KCNH8: variants seen among roughly 807,000 people sequenced by gnomAD.
KCNH8 encodes voltage-gated delayed rectifier potassium channel KCNH8.
Under a neutral mutation model 103.6 loss-of-function variants are expected in KCNH8, and 70 were observed. That is an observed-to-expected ratio of 0.68 (90% CI 0.56 to 0.82). The LOEUF (loss-of-function observed/expected upper bound fraction) is 0.82, where lower values mean the gene tolerates loss of function less well. Among genes scored for constraint, KCNH8 ranks in the 40% least tolerant of loss-of-function variants. The pLI, the probability that KCNH8 is intolerant of heterozygous loss-of-function variation, is 0.00. For synonymous variants in KCNH8, 498 were observed against 489.4 expected, an observed-to-expected ratio of 1.02 and a Z score of -0.23; for missense variants, 1,217 against 1,329.9, an observed-to-expected ratio of 0.92 and a Z score of 1.32.
At chr3:19,403,373 T>TAC (rs1249320644) in intron 7 of KCNH8, among the ~76,000 whole-genome samples, 1 of 26,484 alleles carries the variant, frequency 3.8e-5, no homozygotes, top group Admixed American at 3.6e-4. Context: ...TATATATATA[T>TAC]ATATATATAT....
At chr3:19,467,980 G>A (rs1035079709) in intron 11 of KCNH8, among the ~76,000 whole-genome samples, 1 of 151,914 alleles carries the variant, frequency 6.6e-6, no homozygotes, top group Non-Finnish European at 1.5e-5. Context: ...CACCTCTGCT[G>A]CCTCAGGGCC....
chr3:19,204,937 T>C (rs2063699197), intron 1 of KCNH8, among the ~76,000 whole-genome samples: 1 of 152,060 alleles, frequency 6.6e-6, no homozygotes. Context: ...GACAAATACA[T>C]GGACAAGGAT....
Position 19,533,439 on chromosome 3 carries a change from G to A in KCNH8, c.2664G>A (p.Met888Ile), listed in dbSNP as rs774465243. The change falls in exon 16 of 16, where the codon ATG becomes ATA. Residue 888 changes from methionine (M) to isoleucine (I), a missense_variant. Physicochemically the swap from Met to Ile is conservative, Grantham distance 10. Around this residue, in one of 3 missense-constraint regions of KCNH8, gnomAD observed 558 missense variants for 495.8 expected, o/e 1.13. Coordinates refer to ENST00000328405, the MANE Select transcript of KCNH8 (RefSeq NM_144633.3). ...AAGTTTCTCAGTTGGGTAAAGACAT[G>A]AGAAATGTGATCCAGCTTCTGGAAA... ...TQEVSQLGKD[M>I]RNVIQLLENV... The A allele has an allele frequency of 1.9e-5, 30 of 1,614,026 alleles. No individual in the cohort carries two copies. Among genetic ancestry groups the A allele is most frequent in the South Asian group, 1.2e-4 (11 of 91,092 alleles).
At position 19,383,620 on chromosome 3, in the gene KCNH8, G is replaced by T. The variant is rs187200249; in HGVS notation, c.812-6861G>T. ...ACTCCTGCCCTCATGTGATCCACCC[G>T]CCTTGGCCTCTTAAAGAGCTGGGAT... is the stretch of plus-strand genomic sequence containing the variant. On this transcript the variant is annotated intron_variant, in intron 5 of 15. Coordinates refer to ENST00000328405, the MANE Select transcript of KCNH8 (RefSeq NM_144633.3). Among the ~76,000 whole-genome samples, 136 of 152,246 alleles carry T rather than the reference G, an allele frequency of 8.9e-4. 1 individual carries two copies. The highest frequency in any genetic ancestry group is 1.2e-3 in the Non-Finnish European group (81 of 68,004).
At chr3:19,361,459 G>T (rs2065946039) in intron 5 of KCNH8, among the ~76,000 whole-genome samples, 1 of 151,990 alleles carries the variant, frequency 6.6e-6, no homozygotes, top group Non-Finnish European at 1.5e-5. Flanking sequence ...TACATATTTG[G>T]CATTTATATT....
chr3:19,258,273 C>A (rs2064372275), intron 2 of KCNH8, among the ~76,000 whole-genome samples: 1 of 151,924 alleles, frequency 6.6e-6, no homozygotes, highest in South Asian at 2.1e-4. Context: ...AAATAAAAAA[C>A]CCCGAATGCA....
Position 19,395,159 on chromosome 3 carries a change from TGCA to T in KCNH8, c.1027_1029del (p.Gln343del), listed in dbSNP as rs2125134039. ...CGCCTCTTGCGTCTTTTGCGTCTGC[TGCA>T]GAAGTTAGACCGCTATTCCCAACAC... is the stretch of plus-strand genomic sequence containing the variant. On this transcript the variant is annotated inframe_deletion, in exon 7 of 16. Transcript: ENST00000328405. The T allele has an allele frequency of 6.2e-7, 1 of 1,611,368 alleles. No homozygotes were observed. The highest frequency in any genetic ancestry group is 1.1e-5 in the South Asian group (1 of 90,654).
At chr3:19,491,560 G>A (rs1031413548) in intron 11 of KCNH8, among the ~76,000 whole-genome samples, 3 of 152,244 alleles carry the variant, frequency 2.0e-5, no homozygotes, top group Middle Eastern at 3.4e-3. Context: ...TGGTGGATAT[G>A]TACCACATTT....
intron 1 of KCNH8, among the ~76,000 whole-genome samples, chr3:19,206,168 G>GTGTGTGTGTGTGTGTATATATA (rs979868166): frequency 5.7e-5 from 8 of 139,262 alleles, no homozygotes; most frequent in African/African-American, 2.3e-4. Flanking sequence ...TGGTGTGTGT[G>GTGTGTGTGTGTGTGTATATATA]TATATATATA....
At chr3:19,310,632 A>G (rs2065195799) in intron 3 of KCNH8, among the ~76,000 whole-genome samples, 1 of 151,830 alleles carries the variant, frequency 6.6e-6, no homozygotes, top group Non-Finnish European at 1.5e-5. Context: ...AATGAGAATA[A>G]TAATCCTTAG....
intron 7 of KCNH8, among the ~76,000 whole-genome samples, chr3:19,415,376 C>T (rs1444251137): frequency 1.4e-5 from 2 of 142,630 alleles, no homozygotes; most frequent in Non-Finnish European, 3.1e-5. Context: ...TTCTGTCTTC[C>T]TTTTGGGATT....
intron 11 of KCNH8, among the ~76,000 whole-genome samples, chr3:19,458,805 G>A (rs918796354): frequency 9.2e-5 from 14 of 152,000 alleles, no homozygotes; most frequent in Admixed American, 4.6e-4. Context: ...GCTTCTTTGA[G>A]TTCAAGGTAT....
chr3:19,490,029 T>G (rs2068285250), intron 11 of KCNH8, among the ~76,000 whole-genome samples: 1 of 152,150 alleles, frequency 6.6e-6, no homozygotes, highest in African/African-American at 2.4e-5. Flanking sequence ...GCACTGATCA[T>G]CCACAAGGGC....
At chr3:19,473,131 C>G (rs1486408989) in intron 11 of KCNH8, among the ~76,000 whole-genome samples, 1 of 152,178 alleles carries the variant, frequency 6.6e-6, no homozygotes, top group African/African-American at 2.4e-5. Flanking sequence ...AAGTCAAACT[C>G]ATGGTCTTCT....
rs556189350 is a variant in KCNH8 at position 19,159,269 on chromosome 3, G to T, written c.76+10474G>T. Among the ~76,000 whole-genome samples the T allele has an allele frequency of 2.7e-4, 41 of 151,168 alleles. 2 individuals are homozygous for T. The South Asian group carries it at 8.5e-3, about 32-fold the overall frequency. On this transcript the variant is annotated intron_variant, in intron 1 of 15. Transcript: ENST00000328405. The stretch of plus-strand genomic sequence containing the variant: ...TTGCTGGATTTTCCCTCCACTAATA[G>T]GACTTTTACACTGAATATATATAGA...
chr3:19,432,495 A>G (rs1453429018), intron 7 of KCNH8, among the ~76,000 whole-genome samples: 1 of 152,212 alleles, frequency 6.6e-6, no homozygotes, highest in Non-Finnish European at 1.5e-5. Flanking sequence ...CAATAATAAA[A>G]TAATTTGCCT....
intron 5 of KCNH8, among the ~76,000 whole-genome samples, chr3:19,374,552 T>C (rs1299295542): frequency 6.6e-6 from 1 of 152,244 alleles, no homozygotes; most frequent in African/African-American, 2.4e-5. Context: ...TGTTGACTCT[T>C]TATCCAGTTT....
At chr3:19,375,795 C>G (rs923471574) in intron 5 of KCNH8, among the ~76,000 whole-genome samples, 2 of 151,958 alleles carry the variant, frequency 1.3e-5, no homozygotes, top group Admixed American at 6.6e-5. Context: ...GTGTGGATGT[C>G]CTTTCTGTTT....
At chr3:19,213,312 A>G (rs1048396064) in intron 1 of KCNH8, among the ~76,000 whole-genome samples, 1 of 152,132 alleles carries the variant, frequency 6.6e-6, no homozygotes, top group East Asian at 1.9e-4. Flanking sequence ...TTTTCCATCC[A>G]TATGCACCTC....
Sources: gnomAD v4.1 joint callset for allele counts (sites outside exome capture counted in the v4.1 genomes callset) on GRCh38, gnomAD v4.1.1 for gene constraint, gnomAD v4.1.1 regional missense constraint, MANE v1.5 for transcripts, NCBI Gene and HGNC (gene_info 2026-07-23, HGNC 2026-07-21) for gene names.